The following NUB1 variants were observed in gnomAD, a reference collection of about 807,000 sequenced individuals.
The protein encoded by NUB1 is negative regulator of ubiquitin like proteins 1.
In NUB1, 41 loss-of-function variants were observed where a neutral mutation model predicts 77.1. The ratio of observed to expected loss-of-function variants is 0.53; its 90% confidence interval spans 0.41 to 0.69. The LOEUF (loss-of-function observed/expected upper bound fraction) is 0.69. NUB1 is among the 30% of genes least tolerant of loss of function. The probability of loss-of-function intolerance (pLI) is 0.00; values close to 1 mark genes in which losing one functional copy is unlikely to be tolerated. For missense variants in NUB1, 643 were observed against 743.8 expected, an observed-to-expected ratio of 0.86 and a Z score of 1.58; for synonymous variants, 257 against 281.0, an observed-to-expected ratio of 0.91 and a Z score of 0.85.
At chr7:151,375,329 T>G (rs1344400958) in intron 12 of NUB1, among the ~76,000 whole-genome samples, 2 of 152,166 alleles carry the variant, frequency 1.3e-5, no homozygotes, top group Non-Finnish European at 2.9e-5. Flanking sequence ...GGTCTCAAAA[T>G]AGATGTGAAT....
chr7:151,345,201 T>C, intron 1 of NUB1, 147 bp from the exon 2 acceptor site: 7 of 500,402 alleles, frequency 1.4e-5, no homozygotes, highest in South Asian at 1.3e-4. Context: ...TAGAGAAGTC[T>C]GGAGCTCATT....
At chr7:151,361,603 T>G (rs1385673798) in intron 8 of NUB1, among the ~76,000 whole-genome samples, 2 of 152,230 alleles carry the variant, frequency 1.3e-5, no homozygotes, top group Non-Finnish European at 2.9e-5. Flanking sequence ...GTTAACAAAT[T>G]TAGTGTTAAC....
chr7:151,352,733 G>T (rs1584943134), intron 4 of NUB1, 79 bp from the exon 5 acceptor site: 2 of 905,816 alleles, frequency 2.2e-6, no homozygotes, highest in African/African-American at 3.3e-5. Flanking sequence ...GTGAGCCACC[G>T]GGCCTGGCTA....
intron 4 of NUB1, 134 bp from the exon 5 acceptor site, chr7:151,352,678 A>G: frequency 1.6e-6 from 1 of 631,776 alleles, no homozygotes; most frequent in Non-Finnish European, 2.8e-6. Context: ...CCTGGGCTCA[A>G]GCCATCCTCC....
At chr7:151,348,494 C>CTAT (rs1257467906) in intron 2 of NUB1, among the ~76,000 whole-genome samples, 3 of 143,878 alleles carry the variant, frequency 2.1e-5, no homozygotes, top group African/African-American at 2.6e-5. Context: ...AGAAGATTCT[C>CTAT]TATTATTATT....
chr7:151,374,022 C>G, intron 11 of NUB1, 75 bp from the exon 12 acceptor site: 1 of 1,453,478 alleles, frequency 6.9e-7, no homozygotes, highest in Non-Finnish European at 9.2e-7. Flanking sequence ...TGCGGAGAAT[C>G]CTGCAGAGCG....
chr7:151,351,574 G>A lies in NUB1; in HGVS notation c.344+92G>A, dbSNP rs991470091. On this transcript the variant is annotated intron_variant, in intron 4 of 14. Coordinates refer to ENST00000568733, the MANE Select transcript of NUB1 (RefSeq NM_001243351.2). ...TGTGAGCGTCCTCTTAAGATAGGTA[G>A]GGCAGGTATTATCTTCATTTTATAA... 6 of 859,346 alleles carry A rather than the reference G, an allele frequency of 7.0e-6. No individual in the cohort carries two copies. The Admixed American group carries it at 1.4e-4, about 20-fold the overall frequency. The allele number at this position is 859,346 out of a possible 1,614,324, so 53.2% of individuals were successfully genotyped here.
In NUB1 at chr7:151,343,959, A is replaced by G. The variant is rs1051213997; in HGVS notation, c.-2-1389A>G. ...CACTTTGGGAGGCCGAGGCGGGCGG[A>G]TCACAAGGTCAGGAGATTGAGACCA... is the stretch of plus-strand genomic sequence containing the variant. On this transcript the variant is annotated intron_variant, in intron 1 of 14. Transcript: ENST00000568733. 6.6e-5 allele frequency among the ~76,000 whole-genome samples: 10 copies of G among 152,070 alleles called. 1 individual carries two copies. Among genetic ancestry groups the G allele is most frequent in the South Asian group, 2.1e-4 (1 of 4,822 alleles).
At chr7:151,366,917 G>A (rs970105667) in intron 8 of NUB1, 22 bp from the exon 9 acceptor site, 18 of 1,550,888 alleles carry the variant, frequency 1.2e-5, no homozygotes, top group Non-Finnish European at 1.6e-5. Flanking sequence ...TGGCAGTGAT[G>A]TCACTGTCCT....
At chr7:151,344,295 A>G (rs1247940429) in intron 1 of NUB1, among the ~76,000 whole-genome samples, 1 of 150,312 alleles carries the variant, frequency 6.7e-6, no homozygotes, top group African/African-American at 2.4e-5. Context: ...AAAAATTCTG[A>G]CATAGAAAAT....
At chr7:151,365,956 T>C (rs1797660083) in intron 8 of NUB1, among the ~76,000 whole-genome samples, 1 of 152,134 alleles carries the variant, frequency 6.6e-6, no homozygotes, top group Non-Finnish European at 1.5e-5. Context: ...GTGGATTTTG[T>C]AGTTTTATAC....
intron 8 of NUB1, among the ~76,000 whole-genome samples, chr7:151,362,673 G>C (rs1797434242): frequency 1.3e-5 from 2 of 152,236 alleles, no homozygotes; most frequent in South Asian, 4.1e-4. Context: ...GAGTTAAAGA[G>C]ATGGAGCTGG....
At chr7:151,344,163 A>G (rs577727459) in intron 1 of NUB1, among the ~76,000 whole-genome samples, 2 of 112,506 alleles carry the variant, frequency 1.8e-5, no homozygotes, top group Non-Finnish European at 3.5e-5. Context: ...CCTGGGCGAC[A>G]GAGTGAGACT....
At chr7:151,362,446 T>C (rs60655814) in intron 8 of NUB1, among the ~76,000 whole-genome samples, 30,191 of 152,172 alleles carry the variant, frequency 0.2, 3,265 homozygotes, top group Non-Finnish European at 0.24. Context: ...CCAAGTAAGC[T>C]AGAAGTTTTG....
At chr7:151,372,145 C>G (rs944880867) in intron 11 of NUB1, among the ~76,000 whole-genome samples, 1 of 152,248 alleles carries the variant, frequency 6.6e-6, no homozygotes, top group African/African-American at 2.4e-5. Flanking sequence ...GGCCGTGAGA[C>G]GTAGCCTTCC....
chr7:151,376,476 C>G (rs760076279), intron 13 of NUB1, 158 bp from the exon 14 acceptor site: 27 of 709,346 alleles, frequency 3.8e-5, no homozygotes, highest in Non-Finnish European at 5.6e-5. Flanking sequence ...GGTTGCTCTA[C>G]GCTCACATTG....
intron 2 of NUB1, among the ~76,000 whole-genome samples, chr7:151,346,026 C>T (rs1024883383): frequency 6.6e-6 from 1 of 152,200 alleles, no homozygotes; most frequent in Non-Finnish European, 1.5e-5. Flanking sequence ...AGAAACAGTA[C>T]TCATTTTTGC....
At chr7:151,373,258 G>C (rs201797978) in intron 11 of NUB1, among the ~76,000 whole-genome samples, 1 of 152,194 alleles carries the variant, frequency 6.6e-6, no homozygotes, top group Non-Finnish European at 1.5e-5. Context: ...CTGTCTCCTT[G>C]TTGGGAAAAT....
At chr7:151,358,281 C>T (rs1797183820) in intron 7 of NUB1, among the ~76,000 whole-genome samples, 1 of 152,124 alleles carries the variant, frequency 6.6e-6, no homozygotes, top group Non-Finnish European at 1.5e-5. Context: ...CAATGTTTGT[C>T]TTTTGAAAAT....
Sources: gnomAD v4.1 joint callset for allele counts (sites outside exome capture counted in the v4.1 genomes callset) on GRCh38, gnomAD v4.1.1 for gene constraint, MANE v1.5 for transcripts, NCBI Gene and HGNC (gene_info 2026-07-23, HGNC 2026-07-21) for gene names.